Variants in GCLM observed in about 807,000 individuals in gnomAD.
The protein encoded by GCLM is glutamate-cysteine ligase modifier subunit, also known as glutamate--cysteine ligase regulatory subunit.
Under a neutral mutation model 36.0 loss-of-function variants are expected in GCLM, and 15 were observed. The ratio of observed to expected loss-of-function variants is 0.42; its 90% CI spans 0.28 to 0.64. The LOEUF (loss-of-function observed/expected upper bound fraction) is 0.64, where lower values mean the gene tolerates loss of function less well. Among genes scored for constraint, GCLM ranks in the 30% least tolerant of loss-of-function variants. The pLI, the probability that GCLM is intolerant of heterozygous loss-of-function variation, is 0.25. For synonymous variants in GCLM, 129 were observed against 122.8 expected (o/e 1.05, Z -0.34); for missense variants, 242 against 325.5 (o/e 0.74, Z 1.97).
chr1:93,904,396 A>T, intron 2 of GCLM, 127 bp downstream of exon 2: 1 of 692,632 alleles, frequency 1.4e-6, no homozygotes, highest in Non-Finnish European at 2.6e-6. Context: ...CGTCTCAGCA[A>T]ATCAACCACA....
chr1:93,896,004 C>A (rs1656718446), intron 5 of GCLM, among the ~76,000 whole-genome samples: 1 of 149,620 alleles, frequency 6.7e-6, no homozygotes, highest in Non-Finnish European at 1.5e-5. Flanking sequence ...GCTCTGTCAC[C>A]CAGGCTGGAG....
chr1:93,896,484 CAAAACA>C, intron 5 of GCLM, 128 bp downstream of exon 5: 1 of 690,654 alleles, frequency 1.4e-6, no homozygotes, highest in Non-Finnish European at 2.6e-6. Context: ...CCTGCAGAAA[CAAAACA>C]AAACTCCCAC....
At chr1:93,901,062 C>T (rs1018160853) in intron 3 of GCLM, among the ~76,000 whole-genome samples, 1 of 152,108 alleles carries the variant, frequency 6.6e-6, no homozygotes, top group Non-Finnish European at 1.5e-5. Flanking sequence ...GCAGAGATGG[C>T]GCATCTTTTC....
chr1:93,907,460 A>G (rs1470962032), intron 1 of GCLM, among the ~76,000 whole-genome samples: 1 of 152,236 alleles, frequency 6.6e-6, no homozygotes, highest in Non-Finnish European at 1.5e-5. Flanking sequence ...AACCTGTTTC[A>G]GATATACTGA....
intron 6 of GCLM, among the ~76,000 whole-genome samples, chr1:93,890,286 A>G (rs969278416): frequency 6.6e-6 from 1 of 152,152 alleles, no homozygotes; most frequent in Admixed American, 6.6e-5. Context: ...GAAGGACTAT[A>G]TATATATTAT....
At chr1:93,900,771 A>T (rs576321192) in intron 3 of GCLM, among the ~76,000 whole-genome samples, 1 of 152,318 alleles carries the variant, frequency 6.6e-6, no homozygotes, top group South Asian at 2.1e-4. Flanking sequence ...AATAATAATA[A>T]AATAGCAACA....
At chr1:93,900,060 C>T (rs1033292475) in intron 3 of GCLM, among the ~76,000 whole-genome samples, 1 of 151,994 alleles carries the variant, frequency 6.6e-6, no homozygotes, top group African/African-American at 2.4e-5. Context: ...TATATGAGTC[C>T]CTTCCTTCCT....
chr1:93,904,902 A>G (rs17886844), intron 1 of GCLM, among the ~76,000 whole-genome samples: 2,896 of 152,294 alleles, frequency 0.019, 42 homozygotes, highest in Non-Finnish European at 0.02. Flanking sequence ...GGCCAGGTAT[A>G]GTGGCTCATG....
chr1:93,908,075 C>T (rs1293145586), intron 1 of GCLM, among the ~76,000 whole-genome samples: 2 of 152,198 alleles, frequency 1.3e-5, no homozygotes, highest in Non-Finnish European at 2.9e-5. Flanking sequence ...CATATATTAC[C>T]TCTTAATTCT....
Position 93,904,367 on chromosome 1 carries a change from G to A in GCLM, c.192+156C>T. The A allele has an allele frequency of 4.7e-6, 3 of 642,366 alleles. No individual in the cohort carries two copies. In the South Asian group the frequency reaches 4.9e-5, roughly 11 times the overall value. 39.8% of individuals were successfully genotyped at this position (642,366 alleles called of 1,614,324 possible). On this transcript the variant is annotated intron_variant, in intron 2 of 6. Coordinates refer to ENST00000370238, the MANE Select transcript of GCLM (RefSeq NM_002061.4). ...TCTAGATTTTCTGTTTTATGCATAA[G>A]CCTACTGGATCAGAGTGCCGTCTCA...
At chr1:93,895,172 G>A (rs566366252) in intron 5 of GCLM, among the ~76,000 whole-genome samples, 1 of 152,016 alleles carries the variant, frequency 6.6e-6, no homozygotes, top group East Asian at 1.9e-4. Flanking sequence ...CTGCCACCAT[G>A]CCCAGCTAAT....
At chr1:93,907,480 T>C (rs1209240772) in intron 1 of GCLM, among the ~76,000 whole-genome samples, 1 of 152,202 alleles carries the variant, frequency 6.6e-6, no homozygotes, top group Non-Finnish European at 1.5e-5. Context: ...ATTATACAAC[T>C]ATTAACTGGA....
At chr1:93,898,003 T>A in intron 3 of GCLM, 105 bp from the exon 4 acceptor site, 1 of 490,702 alleles carries the variant, frequency 2.0e-6, no homozygotes, top group Non-Finnish European at 3.5e-6. Context: ...TAATCCTGAA[T>A]GAATTATTTT....
intron 3 of GCLM, among the ~76,000 whole-genome samples, chr1:93,899,032 CT>C (rs1277068687): frequency 6.6e-6 from 1 of 151,934 alleles, no homozygotes; most frequent in African/African-American, 2.4e-5. Flanking sequence ...TATTCTGTGG[CT>C]TTTTTTCCAC....
intron 6 of GCLM, among the ~76,000 whole-genome samples, chr1:93,894,149 T>G (rs1401548806): frequency 6.6e-6 from 1 of 151,820 alleles, no homozygotes. Context: ...TCCCAGCTAC[T>G]CGGAAGGCTG....
At position 93,905,478 on chromosome 1, in the gene GCLM, G is replaced by A. The variant is rs1009967803; in HGVS notation, c.127-890C>T. Reference sequence around the variant, plus strand: ...ATCCTAAGGAGAGTACTTTATCTACGTACTCTAAAGTCTGAGAACCACCAG... The same window carrying A: ...ATCCTAAGGAGAGTACTTTATCTACATACTCTAAAGTCTGAGAACCACCAG... On this transcript the variant is annotated intron_variant, in intron 1 of 6. Coordinates refer to ENST00000370238, the MANE Select transcript of GCLM (RefSeq NM_002061.4). Among the ~76,000 whole-genome samples the A allele has an allele frequency of 6.6e-5, 10 of 152,072 alleles. No individual in the cohort carries two copies. The East Asian group carries it at 1.4e-3, about 21-fold the overall frequency.
chr1:93,899,651 T>A (rs985018493), intron 3 of GCLM, among the ~76,000 whole-genome samples: 3 of 152,220 alleles, frequency 2.0e-5, no homozygotes, highest in Admixed American at 6.5e-5. Flanking sequence ...TTTTAAAAGA[T>A]GTGTGCCAGT....
chr1:93,897,638 T>G (rs1656780386), intron 4 of GCLM, among the ~76,000 whole-genome samples: 1 of 152,144 alleles, frequency 6.6e-6, no homozygotes, highest in Non-Finnish European at 1.5e-5. Flanking sequence ...ACCTTTTACA[T>G]TCCTCTTGCA....
At position 93,888,067 on chromosome 1, in the gene GCLM, T is replaced by G. The variant is rs1204458789; in HGVS notation, c.*923A>C. The stretch of plus-strand genomic sequence containing the variant: ...TCATCCCCTTTCTGGCTTTTAGTCC[T>G]TCCTAGTCAGTTATTAATGGGGAAT... On this transcript the variant is annotated 3_prime_UTR_variant, in exon 7 of 7. Transcript: ENST00000370238. The G allele has an allele frequency of 1.3e-5, 2 of 152,184 alleles. No homozygotes were observed. Among genetic ancestry groups the G allele is most frequent in the African/African-American group, 4.8e-5 (2 of 41,454 alleles). 9.4% of individuals were successfully genotyped at this position (152,184 alleles called of 1,614,324 possible).
Sources: gnomAD v4.1 joint callset for allele counts (sites outside exome capture counted in the v4.1 genomes callset) on GRCh38, gnomAD v4.1.1 for gene constraint, MANE v1.5 for transcripts, NCBI Gene and HGNC (gene_info 2026-07-23, HGNC 2026-07-21) for gene names.